EVC2: variants seen among roughly 807,000 people sequenced by gnomAD.
EVC2 encodes EvC ciliary complex subunit 2.
EVC2 carries 148 observed loss-of-function variants against 149.3 expected under a neutral mutation model. The ratio of observed to expected loss-of-function variants is 0.99; its 90% CI spans 0.87 to 1.14. The LOEUF is 1.14. Among genes scored for constraint, EVC2 ranks in the 50% most tolerant of loss-of-function variants. EVC2 has a pLI of 0.00. For synonymous variants in EVC2, 776 were observed against 649.9 expected (o/e 1.19, Z -2.95); for missense variants, 1,854 against 1,627.3 (o/e 1.14, Z -2.40).
chr4:5,663,024 T>C, intron 9 of EVC2, 83 bp downstream of exon 9: 6 of 1,549,220 alleles, frequency 3.9e-6, no homozygotes, highest in South Asian at 1.1e-5. Context: ...ATGAATGAAA[T>C]ATACTCAGCA....
chr4:5,547,056 A>G (rs1721635665), intron 21 of EVC2, among the ~76,000 whole-genome samples: 5 of 151,952 alleles, frequency 3.3e-5, no homozygotes, highest in Admixed American at 3.3e-4. Context: ...GAATCTCTGC[A>G]CTCTTGGGGG....
At chr4:5,628,988 T>C (rs1391674085) in intron 11 of EVC2, among the ~76,000 whole-genome samples, 1 of 152,170 alleles carries the variant, frequency 6.6e-6, no homozygotes, top group African/African-American at 2.4e-5. Context: ...TTCACTGCCC[T>C]ACGGAACATA....
rs545036237 is a variant in EVC2, at chr4:5,679,126, G to C, written c.870+2134C>G. ...ATCATAACTCGAGCTTGCAGGTCTG[G>C]AAGTTGCTCTGGGCCAGTCAGTGAG... is the stretch of plus-strand genomic sequence containing the variant. On this transcript the variant is annotated intron_variant, in intron 7 of 21. Coordinates refer to ENST00000344408, the MANE Select transcript of EVC2 (RefSeq NM_147127.5). This position sits in a 1 kb window ranked among gnomAD's most constrained non-coding sequence, Gnocchi z 5.1. 3.9e-5 allele frequency among the ~76,000 whole-genome samples: 6 copies of C among 152,274 alleles called. No individual in the cohort carries two copies. Among genetic ancestry groups the C allele is most frequent in the African/African-American group, 1.2e-4 (5 of 41,548 alleles).
Position 5,644,328 on chromosome 4 carries a change from C to T in EVC2, c.1146-3490G>A, listed in dbSNP as rs375128082. 1.6e-4 allele frequency among the ~76,000 whole-genome samples: 24 copies of T among 152,124 alleles called. 1 individual carries two copies. The highest frequency in any genetic ancestry group is 4.8e-4 in the African/African-American group (20 of 41,498). On this transcript the variant is annotated intron_variant, in intron 9 of 21. Transcript: ENST00000344408. ...TATTTTATTTATTTATTCTTTTAGA[C>T]GGAGTTTCACTCTGTTGCCAGGCTA...
Position 5,696,133 on chromosome 4 carries a change from C to T in EVC2, c.283+1460G>A, listed in dbSNP as rs1397248079. ...ATGGGTGCAAGTGAGACCGGACATC[C>T]ATCTCCGGACCCCAGCACAGCACCC... On this transcript the variant is annotated intron_variant, in intron 2 of 21. Transcript: ENST00000344408. This position sits in a 1 kb window ranked among gnomAD's most constrained non-coding sequence, Gnocchi z 4.1. Among the ~76,000 whole-genome samples the T allele has an allele frequency of 6.6e-6, 1 of 152,182 alleles. No homozygotes were observed. Among genetic ancestry groups the T allele is most frequent in the African/African-American group, 2.4e-5 (1 of 41,444 alleles).
chr4:5,591,573 T>C (rs567210413), intron 16 of EVC2, among the ~76,000 whole-genome samples: 31 of 152,348 alleles, frequency 2.0e-4, no homozygotes, highest in Non-Finnish European at 4.3e-4. Context: ...GATTTATTTA[T>C]GTAAATGCAT....
intron 17 of EVC2, among the ~76,000 whole-genome samples, chr4:5,582,991 T>C (rs1336753539): frequency 6.6e-6 from 1 of 152,188 alleles, no homozygotes; most frequent in Non-Finnish European, 1.5e-5. Flanking sequence ...GCTTCCTGTA[T>C]AGCCTGTGGA....
At chr4:5,635,630 T>G (rs1716844789) in intron 10 of EVC2, among the ~76,000 whole-genome samples, 1 of 152,230 alleles carries the variant, frequency 6.6e-6, no homozygotes, top group African/African-American at 2.4e-5. Flanking sequence ...GTGACGACTG[T>G]GCTGTCATAC....
At chr4:5,653,345 C>T (rs1219162487) in intron 9 of EVC2, among the ~76,000 whole-genome samples, 1 of 152,226 alleles carries the variant, frequency 6.6e-6, no homozygotes, top group Non-Finnish European at 1.5e-5. Context: ...TCCATGACAA[C>T]ATCCAACTAG....
chr4:5,699,149 G>A (rs1036022046), intron 1 of EVC2, among the ~76,000 whole-genome samples: 5 of 152,286 alleles, frequency 3.3e-5, no homozygotes, highest in East Asian at 1.9e-4. Context: ...GGAGGGACAC[G>A]GAGGAAATGA....
intron 15 of EVC2, among the ~76,000 whole-genome samples, chr4:5,617,999 A>T (rs1715386254): frequency 1.3e-5 from 2 of 152,202 alleles, no homozygotes; most frequent in Admixed American, 1.3e-4. Flanking sequence ...GCTGCTCATT[A>T]AAAGGCAGCT....
intron 9 of EVC2, among the ~76,000 whole-genome samples, chr4:5,655,155 C>T (rs1337785210): frequency 6.6e-6 from 1 of 152,180 alleles, no homozygotes; most frequent in East Asian, 1.9e-4. Context: ...GCTCTGCTCT[C>T]CAGTGACCCC....
At chr4:5,547,982 G>T (rs1721652951) in intron 21 of EVC2, among the ~76,000 whole-genome samples, 2 of 152,114 alleles carry the variant, frequency 1.3e-5, no homozygotes, top group African/African-American at 4.8e-5. Flanking sequence ...GAAGCTACCT[G>T]TGGTGCACCT....
intron 5 of EVC2, among the ~76,000 whole-genome samples, chr4:5,688,795 G>A (rs1385802502): frequency 2.0e-5 from 3 of 152,136 alleles, no homozygotes; most frequent in African/African-American, 7.2e-5. Flanking sequence ...CCTGAGTGAT[G>A]GTTAATTTTG....
downstream of EVC2, among the ~76,000 whole-genome samples, chr4:5,558,704 A>G (rs1721884857): frequency 6.6e-6 from 1 of 152,250 alleles, no homozygotes. Context: ...ATGCTGACCT[A>G]AGTAACTTTG....
At chr4:5,709,388 G>C (rs1336659230), upstream of EVC2, 4 of 152,294 alleles carry the variant, frequency 2.6e-5, no homozygotes, top group African/African-American at 7.2e-5. Context: ...ACTCCCGCCA[G>C]CCTTCCTGCG....
downstream of EVC2, among the ~76,000 whole-genome samples, chr4:5,537,926 C>A (rs1290139335): frequency 1.3e-5 from 2 of 151,654 alleles, no homozygotes; most frequent in Non-Finnish European, 2.9e-5. Flanking sequence ...ATAAAGGAAA[C>A]AACAAAGATA....
intron 12 of EVC2, among the ~76,000 whole-genome samples, chr4:5,626,141 T>A (rs1303134295): frequency 6.6e-6 from 1 of 151,684 alleles, no homozygotes; most frequent in African/African-American, 2.4e-5. Context: ...TTGGCAAGAG[T>A]TCTGGAAGAA....
In EVC2 at chr4:5,685,421, G is replaced by T. The variant is rs139129327; in HGVS notation, c.765C>A (p.Asn255Lys). ...AATLQAGDLG[N>K]GESLKLPAQL... ...GGGCAGGAAGCTTGAGGCTCTCCCC[G>T]TTCCCGAGGTCTCCAGCCTGGAGCG... is the stretch of plus-strand genomic sequence containing the variant. The change falls in exon 6 of 22, where the codon AAC becomes AAA. Residue 255 changes from asparagine to lysine, a missense_variant. Transcript: ENST00000344408. 2 of 1,614,182 alleles carry T rather than the reference G, an allele frequency of 1.2e-6. No homozygotes were observed. The highest frequency in any genetic ancestry group is 4.5e-5 in the East Asian group (2 of 44,878).
Sources: gnomAD v4.1 joint callset for allele counts (sites outside exome capture counted in the v4.1 genomes callset) on GRCh38, gnomAD v4.1.1 for gene constraint, Gnocchi (gnomAD v3.1) non-coding constraint, MANE v1.5 for transcripts, NCBI Gene and HGNC (gene_info 2026-07-23, HGNC 2026-07-21) for gene names.